The following HIBADH variants were observed in gnomAD, a reference collection of about 807,000 sequenced individuals.
HIBADH encodes 3-hydroxyisobutyrate dehydrogenase, mitochondrial.
In HIBADH, 25 loss-of-function variants were observed where a neutral mutation model predicts 36.1. That is an observed-to-expected ratio of 0.69 (90% CI 0.50 to 0.97). The LOEUF (loss-of-function observed/expected upper bound fraction) is 0.97. Among genes scored for constraint, HIBADH ranks in the 50% least tolerant of loss-of-function variants. HIBADH has a pLI of 0.00. For missense variants in HIBADH, 421 were observed against 418.0 expected (o/e 1.01, Z -0.06); for synonymous variants, 160 against 149.5 (o/e 1.07, Z -0.51).
chr7:27,606,163 T>C (rs1785224555), intron 4 of HIBADH, among the ~76,000 whole-genome samples: 1 of 152,164 alleles, frequency 6.6e-6, no homozygotes, highest in Non-Finnish European at 1.5e-5. Flanking sequence ...TTGAAATGTT[T>C]AAATATGGGG....
rs73299385 is a variant in HIBADH, at chr7:27,583,536, T to C, written c.485-40436A>G. 4.8e-3 allele frequency among the ~76,000 whole-genome samples: 727 copies of C among 152,178 alleles called. 5 individuals carry two copies. The highest frequency in any genetic ancestry group is 0.017 in the African/African-American group (700 of 41,570). On this transcript the variant is annotated intron_variant, in intron 4 of 7. Transcript: ENST00000265395. ...AAGCATATTATATATTAATAACTTT[T>C]TGTGACATTAATTCATGTATTGTTT...
intron 4 of HIBADH, among the ~76,000 whole-genome samples, chr7:27,599,791 G>A (rs1785095986): frequency 2.7e-5 from 4 of 150,790 alleles, no homozygotes; most frequent in Admixed American, 2.6e-4. Context: ...TTTTTTAAGG[G>A]AAGTTTTTTT....
intron 4 of HIBADH, among the ~76,000 whole-genome samples, chr7:27,587,296 A>G (rs972001357): frequency 6.6e-6 from 1 of 152,196 alleles, no homozygotes; most frequent in African/African-American, 2.4e-5. Flanking sequence ...AGGAAAATTA[A>G]TTGCAAAAGA....
rs1373596004 is a variant in HIBADH, at chr7:27,525,497, TATA to T, written c.*714_*716del. ...AATAATATGGCTATATTTATAATAA[TATA>T]ATAATTATCTAAAGCAAATATCATC... On this transcript the variant is annotated 3_prime_UTR_variant, in exon 8 of 8. Transcript: ENST00000265395. The T allele has an allele frequency of 4.6e-5, 7 of 152,278 alleles. No homozygotes were observed. Among genetic ancestry groups the T allele is most frequent in the East Asian group, 1.9e-4 (1 of 5,188 alleles). 9.4% of individuals were successfully genotyped at this position (152,278 alleles called of 1,614,324 possible).
intron 6 of HIBADH, among the ~76,000 whole-genome samples, chr7:27,534,081 A>G (rs1347386016): frequency 6.6e-6 from 1 of 152,174 alleles, no homozygotes; most frequent in Non-Finnish European, 1.5e-5. Context: ...TCTCAAATAA[A>G]CGTCACTGTG....
At chr7:27,547,201 C>A (rs949833026) in intron 4 of HIBADH, among the ~76,000 whole-genome samples, 1 of 152,136 alleles carries the variant, frequency 6.6e-6, no homozygotes, top group African/African-American at 2.4e-5. Flanking sequence ...AAGTATGTTC[C>A]CATCTCAAAG....
intron 4 of HIBADH, among the ~76,000 whole-genome samples, chr7:27,577,810 T>C (rs1017736990): frequency 6.6e-6 from 1 of 152,214 alleles, no homozygotes; most frequent in Non-Finnish European, 1.5e-5. Context: ...GAAACAAATA[T>C]ACTTCCCTGA....
chr7:27,662,595 G>A, intron 1 of HIBADH, 103 bp downstream of exon 1: 4 of 679,524 alleles, frequency 5.9e-6, no homozygotes, highest in South Asian at 5.4e-5. Context: ...TTAAGCCCCA[G>A]CCCAACCGCA....
At chr7:27,645,678 G>A (rs770736043) in intron 2 of HIBADH, among the ~76,000 whole-genome samples, 75 of 151,974 alleles carry the variant, frequency 4.9e-4, no homozygotes, top group Non-Finnish European at 9.4e-4. Flanking sequence ...CACCTCACCC[G>A]GCTGTTCTGA....
intron 4 of HIBADH, among the ~76,000 whole-genome samples, chr7:27,557,844 C>G (rs1040458570): frequency 6.6e-6 from 1 of 152,152 alleles, no homozygotes; most frequent in African/African-American, 2.4e-5. Context: ...ACATTCAAAC[C>G]GTAGCACAAT....
intron 4 of HIBADH, among the ~76,000 whole-genome samples, chr7:27,627,499 T>A (rs1027132426): frequency 6.6e-6 from 1 of 152,190 alleles, no homozygotes. Context: ...GCAACTCCCA[T>A]TGTGTCTGCA....
At chr7:27,598,870 TAGA>T (rs1220845676) in intron 4 of HIBADH, among the ~76,000 whole-genome samples, 2 of 151,908 alleles carry the variant, frequency 1.3e-5, no homozygotes, top group Non-Finnish European at 2.9e-5. Context: ...CCAAGACTCT[TAGA>T]AGATTAGGAA....
intron 4 of HIBADH, among the ~76,000 whole-genome samples, chr7:27,626,878 T>TC (rs1785658660): frequency 6.6e-6 from 1 of 152,170 alleles, no homozygotes; most frequent in Admixed American, 6.5e-5. Flanking sequence ...GAGAAATTCT[T>TC]CAAGTTTTGT....
intron 4 of HIBADH, among the ~76,000 whole-genome samples, chr7:27,589,537 G>A (rs1784910724): frequency 6.6e-6 from 1 of 152,080 alleles, no homozygotes; most frequent in Non-Finnish European, 1.5e-5. Context: ...TGAGGTATGT[G>A]TTACATAATA....
intron 5 of HIBADH, among the ~76,000 whole-genome samples, chr7:27,540,698 G>A (rs574342221): frequency 6.6e-6 from 1 of 152,242 alleles, no homozygotes; most frequent in South Asian, 2.1e-4. Context: ...AGCCTTAAAG[G>A]TCCTTATGAT....
intron 4 of HIBADH, among the ~76,000 whole-genome samples, chr7:27,600,289 TA>T (rs1403586790): frequency 7.2e-6 from 1 of 139,030 alleles, no homozygotes; most frequent in Non-Finnish European, 1.6e-5. Context: ...TTTTTTTTTT[TA>T]AATGAAGAAT....
intron 4 of HIBADH, among the ~76,000 whole-genome samples, chr7:27,570,468 AC>A (rs1784612520): frequency 6.6e-6 from 1 of 152,146 alleles, no homozygotes; most frequent in Non-Finnish European, 1.5e-5. Context: ...ATATTTTTAC[AC>A]GATATTCTAG....
chr7:27,565,717 G>C (rs1262034554), intron 4 of HIBADH, among the ~76,000 whole-genome samples: 1 of 152,160 alleles, frequency 6.6e-6, no homozygotes, highest in Non-Finnish European at 1.5e-5. Flanking sequence ...TGTGTTGTCT[G>C]ATCTCAGGGG....
At chr7:27,547,954 T>C (rs190002066) in intron 4 of HIBADH, among the ~76,000 whole-genome samples, 11 of 152,290 alleles carry the variant, frequency 7.2e-5, no homozygotes, top group Admixed American at 5.9e-4. Flanking sequence ...CACTTTCCTG[T>C]GATGATGTCT....
Sources: allele counts gnomAD v4.1 joint callset (sites outside exome capture counted in the v4.1 genomes callset), GRCh38; gene constraint gnomAD v4.1.1; transcripts MANE v1.5; gene names NCBI Gene and HGNC (gene_info 2026-07-23, HGNC 2026-07-21).